Variants in EVA1A observed in about 807,000 individuals in gnomAD.
EVA1A encodes the protein protein eva-1 homolog A.
In EVA1A, 7 loss-of-function variants were observed where a neutral mutation model predicts 9.8. That is an observed-to-expected ratio of 0.71 (90% confidence interval 0.41 to 1.34). EVA1A has a LOEUF of 1.34. Among genes scored for constraint, EVA1A ranks in the 40% most tolerant of loss-of-function variants. The pLI, the probability that EVA1A is intolerant of heterozygous loss-of-function variation, is 0.01. For synonymous variants in EVA1A, 90 were observed against 85.6 expected, an observed-to-expected ratio of 1.05 and a Z score of -0.28; for missense variants, 206 against 205.9, an observed-to-expected ratio of 1.00 and a Z score of 0.00.
rs1392515801 is a variant in EVA1A at position 75,493,493 on chromosome 2, C to T, written c.202G>A (p.Gly68Arg). 18 of 1,614,216 alleles carry T rather than the reference C, an allele frequency of 1.1e-5. No individual in the cohort carries two copies. Among genetic ancestry groups the T allele is most frequent in the Non-Finnish European group, 1.5e-5 (18 of 1,180,030 alleles). ...TCTCTGTCCTGCAGGAACTTCTTCC[C>T]GGGACGCCGCCTGCAGTCTGTGTGG... is the stretch of plus-strand genomic sequence containing the variant. ...SCHTDCRRRP[G>R]KKFLQDRESS... The change falls in exon 4 of 4, where the codon GGG becomes AGG. Residue 68 changes from glycine to arginine, a missense_variant. Transcript: ENST00000393913.
At chr2:75,530,518 C>T (rs1458296679) in intron 1 of EVA1A, among the ~76,000 whole-genome samples, 1 of 152,124 alleles carries the variant, frequency 6.6e-6, no homozygotes, top group Non-Finnish European at 1.5e-5. Flanking sequence ...TACTAGCTAA[C>T]TGAATCCAAC....
At chr2:75,544,898 G>C (rs962015808) in intron 1 of EVA1A, among the ~76,000 whole-genome samples, 2 of 152,164 alleles carry the variant, frequency 1.3e-5, no homozygotes, top group African/African-American at 4.8e-5. Flanking sequence ...CCAATATCTA[G>C]CTGTTGCATG....
Position 75,521,148 on chromosome 2 carries a change from C to T in EVA1A, c.-69+1217G>A, listed in dbSNP as rs577382538. ...GCATTAATGAAATCAAAATCAAAAC[C>T]ACAATGAAATATCATCTCATACCCG... On this transcript the variant is annotated intron_variant, in intron 2 of 3. Transcript: ENST00000393913. Among the ~76,000 whole-genome samples, 8 of 152,228 alleles carry T rather than the reference C, an allele frequency of 5.3e-5. No homozygotes were observed. The East Asian group carries it at 1.4e-3, about 26-fold the overall frequency.
intron 2 of EVA1A, among the ~76,000 whole-genome samples, chr2:75,520,732 T>G (rs1675203410): frequency 6.6e-6 from 1 of 152,138 alleles, no homozygotes; most frequent in Admixed American, 6.5e-5. Context: ...CAGCTAAAAA[T>G]TTTAGAAGAC....
chr2:75,568,158 C>T (rs1396890756), intron 1 of EVA1A, among the ~76,000 whole-genome samples: 1 of 152,032 alleles, frequency 6.6e-6, no homozygotes, highest in Non-Finnish European at 1.5e-5. Flanking sequence ...CCCCTGCTTG[C>T]CAGGCCTTTC....
intron 1 of EVA1A, among the ~76,000 whole-genome samples, chr2:75,529,551 C>G (rs1675571829): frequency 6.6e-6 from 1 of 152,280 alleles, no homozygotes; most frequent in African/African-American, 2.4e-5. Flanking sequence ...TGACTACTCT[C>G]TCAGACCACA....
At chr2:75,549,779 C>T (rs895282053) in intron 1 of EVA1A, among the ~76,000 whole-genome samples, 1 of 152,114 alleles carries the variant, frequency 6.6e-6, no homozygotes, top group African/African-American at 2.4e-5. Context: ...CTTTTGGATT[C>T]AGGATGGTGC....
At chr2:75,547,697 G>A (rs1272329757) in intron 1 of EVA1A, among the ~76,000 whole-genome samples, 1 of 152,046 alleles carries the variant, frequency 6.6e-6, no homozygotes, top group African/African-American at 2.4e-5. Context: ...TCTCCCCATC[G>A]TCCCTTCCTT....
At chr2:75,528,319 G>C (rs1396329100) in intron 1 of EVA1A, among the ~76,000 whole-genome samples, 1 of 152,208 alleles carries the variant, frequency 6.6e-6, no homozygotes, top group Non-Finnish European at 1.5e-5. Context: ...TGGCAGTCAG[G>C]GAGGGGTGAG....
rs1183307312 is a variant in EVA1A, at chr2:75,493,612, GGAGGAAGAA to G, written c.86-12_86-4del. 15 of 1,576,558 alleles carry G rather than the reference GGAGGAAGAA, an allele frequency of 9.5e-6. No homozygotes were observed. Among genetic ancestry groups the G allele is most frequent in the Admixed American group, 3.6e-5 (2 of 55,568 alleles). On this transcript the variant is annotated splice_region_variant and splice_polypyrimidine_tract_variant and intron_variant, in intron 3 of 3. Coordinates refer to ENST00000393913, the MANE Select transcript of EVA1A (RefSeq NM_001135032.2). ...CAGAGCTGCTCGCTCAGGATTTTCT[GGAGGAAGAA>G]GAGGAAGAAGCAAGCATTTGAGAGA...
chr2:75,533,418 C>G (rs1675750705), intron 1 of EVA1A, among the ~76,000 whole-genome samples: 2 of 152,056 alleles, frequency 1.3e-5, no homozygotes, highest in South Asian at 4.2e-4. Context: ...CAGGCATTCT[C>G]CAATGAAGGA....
At chr2:75,526,423 C>A (rs1409841309) in intron 1 of EVA1A, among the ~76,000 whole-genome samples, 2 of 152,128 alleles carry the variant, frequency 1.3e-5, no homozygotes, top group Non-Finnish European at 2.9e-5. Flanking sequence ...CCTTTCTCTT[C>A]AACCAGATAA....
chr2:75,569,052 G>A (rs1157611927), intron 1 of EVA1A, among the ~76,000 whole-genome samples: 2 of 152,044 alleles, frequency 1.3e-5, no homozygotes, highest in South Asian at 2.1e-4. Flanking sequence ...AAGAATCTCC[G>A]TACTGTTTTC....
intron 3 of EVA1A, 184 bp downstream of exon 3, chr2:75,517,872 A>T: frequency 1.3e-6 from 1 of 764,166 alleles, no homozygotes; most frequent in Non-Finnish European, 2.3e-6. Context: ...TTTTCAAATT[A>T]GAGAATGACA....
intron 1 of EVA1A, among the ~76,000 whole-genome samples, chr2:75,549,830 T>C (rs1367179955): frequency 6.6e-6 from 1 of 152,170 alleles, no homozygotes; most frequent in Non-Finnish European, 1.5e-5. Context: ...TCTGTGAAGG[T>C]GTGTGCATTT....
intron 1 of EVA1A, among the ~76,000 whole-genome samples, chr2:75,534,287 G>C (rs561937175): frequency 3.5e-4 from 53 of 152,088 alleles, no homozygotes; most frequent in African/African-American, 1.3e-3. Context: ...GTATGTAAAG[G>C]AAATATTTAA....
chr2:75,498,380 T>C (rs961596648), intron 3 of EVA1A, among the ~76,000 whole-genome samples: 1 of 152,098 alleles, frequency 6.6e-6, no homozygotes, highest in African/African-American at 2.4e-5. Context: ...TATCAGGTAC[T>C]ACGCTCACCA....
Position 75,518,206 on chromosome 2 carries a change from C to A in EVA1A, c.-66G>T. The A allele has an allele frequency of 6.3e-7, 1 of 1,590,548 alleles. No homozygotes were observed. The highest frequency in any genetic ancestry group is 1.2e-5 in the South Asian group (1 of 86,436). On this transcript the variant is annotated splice_region_variant and 5_prime_UTR_variant, in exon 3 of 4. Transcript: ENST00000393913. ...TCAACGTGGCCACTCTCCTTCTTCT[C>A]TTCTGTTTGGGAACATAAAGTGAGT...
At chr2:75,539,069 A>C (rs1356553292) in intron 1 of EVA1A, among the ~76,000 whole-genome samples, 1 of 152,238 alleles carries the variant, frequency 6.6e-6, no homozygotes, top group African/African-American at 2.4e-5. Flanking sequence ...CTCCAAAAAA[A>C]GTCTAATTAA....
Sources: allele counts gnomAD v4.1 joint callset (sites outside exome capture counted in the v4.1 genomes callset), GRCh38; gene constraint gnomAD v4.1.1; transcripts MANE v1.5; gene names NCBI Gene and HGNC (gene_info 2026-07-23, HGNC 2026-07-21).